SLC39A11: variants seen among roughly 807,000 people sequenced by gnomAD.
SLC39A11 encodes the protein zinc transporter ZIP11.
A neutral mutation model predicts 36.1 loss-of-function variants in SLC39A11; 33 were observed. The observed-to-expected ratio is 0.91, with a 90% CI of 0.69 to 1.22. The LOEUF is 1.22. Ranked by LOEUF, SLC39A11 falls within the 50% of genes most tolerant of loss-of-function variation. The pLI is 0.00. For missense variants in SLC39A11, 432 were observed against 430.3 expected, an observed-to-expected ratio of 1.00 and a Z score of -0.03; for synonymous variants, 166 against 170.3, an observed-to-expected ratio of 0.97 and a Z score of 0.20.
chr17:72,774,829 CTTCT>C (rs763458598), intron 6 of SLC39A11, among the ~76,000 whole-genome samples: 17 of 152,152 alleles, frequency 1.1e-4, no homozygotes, highest in South Asian at 8.3e-4. Flanking sequence ...TTGCTTTACT[CTTCT>C]TTCTAAGTCA....
chr17:72,836,465 C>T (rs573449774), intron 6 of SLC39A11, among the ~76,000 whole-genome samples: 1 of 152,000 alleles, frequency 6.6e-6, no homozygotes, highest in South Asian at 2.1e-4. Context: ...CTCAGCCTCC[C>T]GAGTAGCTGT....
intron 5 of SLC39A11, among the ~76,000 whole-genome samples, chr17:72,926,772 A>G (rs180798821): frequency 4.1e-4 from 63 of 152,132 alleles, no homozygotes; most frequent in Middle Eastern, 3.4e-3. Flanking sequence ...TTTGACCCCA[A>G]AAAGGGATTC....
intron 6 of SLC39A11, among the ~76,000 whole-genome samples, chr17:72,825,651 G>A (rs557966555): frequency 3.3e-4 from 51 of 152,342 alleles, no homozygotes; most frequent in Non-Finnish European, 6.6e-4. Context: ...AGGCTGTACC[G>A]CGCAGAGCCA....
chr17:72,781,887 CAA>C (rs4036981), intron 6 of SLC39A11, among the ~76,000 whole-genome samples: 4 of 136,846 alleles, frequency 2.9e-5, no homozygotes, highest in Admixed American at 7.4e-5. Flanking sequence ...CATCACCATC[CAA>C]AAAAAAAAAA....
chr17:72,922,335 T>G (rs1211069371), intron 5 of SLC39A11, among the ~76,000 whole-genome samples: 1 of 152,224 alleles, frequency 6.6e-6, no homozygotes, highest in Non-Finnish European at 1.5e-5. Context: ...AATAAACTAC[T>G]TAAGTGGAAG....
At chr17:72,670,168 C>T (rs1323897451) in intron 7 of SLC39A11, among the ~76,000 whole-genome samples, 2 of 17,018 alleles carry the variant, frequency 1.2e-4, no homozygotes, top group East Asian at 1.2e-3. Flanking sequence ...TATACACACA[C>T]ACACACACAC....
intron 4 of SLC39A11, among the ~76,000 whole-genome samples, chr17:73,008,369 A>C (rs963877289): frequency 6.6e-6 from 1 of 152,082 alleles, no homozygotes; most frequent in African/African-American, 2.4e-5. Context: ...CTTACAATGA[A>C]AGCTAGCCTG....
intron 5 of SLC39A11, among the ~76,000 whole-genome samples, chr17:72,875,228 G>A (rs1319840051): frequency 2.0e-5 from 3 of 152,210 alleles, no homozygotes; most frequent in Admixed American, 6.5e-5. Flanking sequence ...CATTAACACT[G>A]TAAATATTCC....
At chr17:72,710,299 T>C (rs1163676838) in intron 7 of SLC39A11, among the ~76,000 whole-genome samples, 4 of 152,334 alleles carry the variant, frequency 2.6e-5, no homozygotes, top group South Asian at 4.1e-4. Context: ...TTGAATCACA[T>C]CCTGTTATTC....
intron 4 of SLC39A11, among the ~76,000 whole-genome samples, chr17:72,967,340 C>T (rs1183586050): frequency 6.9e-6 from 1 of 144,126 alleles, no homozygotes; most frequent in Admixed American, 7.2e-5. Flanking sequence ...AAAACACCCT[C>T]ATGAGAAGAA....
At chr17:73,050,462 C>CTTTTTTTTTTTTTTTTTT (rs558193911) in intron 3 of SLC39A11, among the ~76,000 whole-genome samples, 9 of 124,310 alleles carry the variant, frequency 7.2e-5, no homozygotes, top group South Asian at 2.7e-4. Flanking sequence ...TGTGAACTGA[C>CTTTTTTTTTTTTTTTTTT]TTTTTTTTTT....
chr17:72,706,656 T>C (rs1437079596), intron 7 of SLC39A11, among the ~76,000 whole-genome samples: 1 of 152,240 alleles, frequency 6.6e-6, no homozygotes, highest in Non-Finnish European at 1.5e-5. Flanking sequence ...TGCTTCTGTT[T>C]TTCTTCCCCT....
At chr17:73,050,971 C>T (rs2059477613) in intron 3 of SLC39A11, among the ~76,000 whole-genome samples, 1 of 152,112 alleles carries the variant, frequency 6.6e-6, no homozygotes, top group Non-Finnish European at 1.5e-5. Flanking sequence ...AAGGCAAGAT[C>T]CAGTAAAAGA....
rs551809071 is a variant in SLC39A11, at chr17:72,847,529, C to A, written c.601+2105G>T. 5.9e-5 allele frequency among the ~76,000 whole-genome samples: 9 copies of A among 152,158 alleles called. No homozygotes were observed. The South Asian group carries it at 1.9e-3, about 32-fold the overall frequency. On this transcript the variant is annotated intron_variant, in intron 6 of 9. Transcript: ENST00000255559. ...TGAAAATGTTGGGAAAACTGGCCTA[C>A]CTATGATCGTATGATAGACATTCCT...
At chr17:73,008,151 G>GT (rs1391896305) in intron 4 of SLC39A11, among the ~76,000 whole-genome samples, 2 of 89,938 alleles carry the variant, frequency 2.2e-5, no homozygotes, top group Middle Eastern at 9.4e-3. Context: ...GTTGGGGTTT[G>GT]TTGTTTTTTT....
At chr17:72,747,892 C>T (rs1284033980) in intron 6 of SLC39A11, among the ~76,000 whole-genome samples, 2 of 152,182 alleles carry the variant, frequency 1.3e-5, no homozygotes, top group Admixed American at 6.5e-5. Flanking sequence ...AACTTACCAA[C>T]TTATTTTCTT....
In SLC39A11 at chr17:72,647,287, T is replaced by G. The variant is rs1206838004; in HGVS notation, c.*297A>C. The G allele has an allele frequency of 4.2e-6, 1 of 237,340 alleles. No individual in the cohort carries two copies. Among genetic ancestry groups the G allele is most frequent in the East Asian group, 1.0e-4 (1 of 9,652 alleles). The allele number at this position is 237,340 out of a possible 1,614,324, so 14.7% of individuals were successfully genotyped here. On this transcript the variant is annotated 3_prime_UTR_variant, in exon 10 of 10. Transcript: ENST00000255559. ...GGGAGGCAGATAGAAGGTCCCGAAG[T>G]GGAGATTTCCCTGATCTGAAGTTCC... is the stretch of plus-strand genomic sequence containing the variant.
chr17:72,892,615 G>A (rs2081814894), intron 5 of SLC39A11, among the ~76,000 whole-genome samples: 1 of 152,140 alleles, frequency 6.6e-6, no homozygotes, highest in African/African-American at 2.4e-5. Context: ...TTTTTTGCCT[G>A]TCTTTTCCAA....
At chr17:72,719,387 T>C (rs1045263907) in intron 7 of SLC39A11, among the ~76,000 whole-genome samples, 1 of 152,184 alleles carries the variant, frequency 6.6e-6, no homozygotes, top group Admixed American at 6.5e-5. Flanking sequence ...AAGTGCCACA[T>C]GTCCCCACGA....
Sources: allele counts gnomAD v4.1 joint callset (sites outside exome capture counted in the v4.1 genomes callset), GRCh38; gene constraint gnomAD v4.1.1; transcripts MANE v1.5; gene names NCBI Gene and HGNC (gene_info 2026-07-23, HGNC 2026-07-21).